The following HERC3 variants were observed in gnomAD, a reference collection of about 807,000 sequenced individuals.
HERC3 encodes HECT and RLD domain containing E3 ubiquitin protein ligase 3.
Under a neutral mutation model 129.9 loss-of-function variants are expected in HERC3, and 58 were observed. That is an observed-to-expected ratio of 0.45 (90% CI 0.36 to 0.56). The LOEUF is 0.56. Ranked by LOEUF, HERC3 falls within the 20% of genes least tolerant of loss-of-function variation. HERC3 has a pLI of 0.00. For missense variants in HERC3, 835 were observed against 1,244.2 expected (o/e 0.67, Z 4.95); for synonymous variants, 430 against 451.0 (o/e 0.95, Z 0.59).
chr4:88,554,081 C>T, the HERC3 span, among the ~76,000 whole-genome samples: 1 of 152,244 alleles, frequency 6.6e-6, no homozygotes, highest in Admixed American at 6.5e-5. Flanking sequence ...GGCGTGGTGG[C>T]TCACACCTGT....
the HERC3 span, among the ~76,000 whole-genome samples, chr4:88,541,577 C>G: frequency 0.19 from 28,746 of 152,128 alleles, 3,160 homozygotes; most frequent in East Asian, 0.49. Context: ...GAACTCAGCT[C>G]TGCAACAAGC....
chr4:88,650,884 C>G (rs1437556177), intron 4 of HERC3, among the ~76,000 whole-genome samples: 1 of 152,164 alleles, frequency 6.6e-6, no homozygotes, highest in Non-Finnish European at 1.5e-5. Flanking sequence ...TAATTATCGT[C>G]CCCTTTAAAG....
intron 3 of HERC3, among the ~76,000 whole-genome samples, chr4:88,618,140 T>A (rs1725125418): frequency 6.6e-6 from 1 of 152,234 alleles, no homozygotes; most frequent in Non-Finnish European, 1.5e-5. Flanking sequence ...GGAAGAAGGC[T>A]GAACTAATTA....
the HERC3 span, among the ~76,000 whole-genome samples, chr4:88,534,843 T>G: frequency 2.6e-5 from 4 of 152,212 alleles, no homozygotes; most frequent in African/African-American, 9.7e-5. Context: ...TGTGTGTGTT[T>G]TCAATGACTG....
intron 21 of HERC3, among the ~76,000 whole-genome samples, chr4:88,682,740 G>C (rs1732939595): frequency 6.6e-6 from 1 of 152,080 alleles, no homozygotes; most frequent in Non-Finnish European, 1.5e-5. Context: ...CATTTGGGTT[G>C]ATTCCAAGTC....
the HERC3 span, among the ~76,000 whole-genome samples, chr4:88,575,643 C>A: frequency 6.6e-6 from 1 of 152,218 alleles, no homozygotes; most frequent in African/African-American, 2.4e-5. Flanking sequence ...TCAGTAAAAA[C>A]ATCATTTGCT....
At chr4:88,555,615 G>T in the HERC3 span, among the ~76,000 whole-genome samples, 8 of 152,276 alleles carry the variant, frequency 5.3e-5, no homozygotes, top group South Asian at 1.2e-3. Context: ...GGTATTTTGT[G>T]TATTTATTGA....
chr4:88,589,277 C>A (rs1396138984), upstream of HERC3, among the ~76,000 whole-genome samples: 2 of 152,068 alleles, frequency 1.3e-5, no homozygotes, highest in South Asian at 4.1e-4. Context: ...GAGACAGGGA[C>A]TCACTATGTT....
At chr4:88,645,220 T>G (rs1235489183) in intron 3 of HERC3, among the ~76,000 whole-genome samples, 1 of 151,764 alleles carries the variant, frequency 6.6e-6, no homozygotes, top group Non-Finnish European at 1.5e-5. Flanking sequence ...AGGGTAAGAG[T>G]TCGGTGGGAA....
the HERC3 span, among the ~76,000 whole-genome samples, chr4:88,580,699 C>A: frequency 1.3e-5 from 2 of 152,274 alleles, no homozygotes; most frequent in East Asian, 3.9e-4. Context: ...CCACATAGTA[C>A]AATGATGCTT....
At chr4:88,629,457 C>CTTTTTCAACCT (rs999700559) in intron 3 of HERC3, among the ~76,000 whole-genome samples, 2 of 152,096 alleles carry the variant, frequency 1.3e-5, no homozygotes, top group African/African-American at 4.8e-5. Context: ...CTGTATCAAC[C>CTTTTTCAACCT]TTTTTAATGA....
At chr4:88,618,514 C>G (rs1323046610) in intron 3 of HERC3, among the ~76,000 whole-genome samples, 2 of 152,208 alleles carry the variant, frequency 1.3e-5, no homozygotes, top group African/African-American at 4.8e-5. Context: ...TAGAGTGGAA[C>G]TCATCTTTGG....
the HERC3 span, chr4:88,527,255 CTTT>C: frequency 4.2e-5 from 6 of 142,864 alleles, no homozygotes; most frequent in Admixed American, 1.4e-4. Context: ...CTCTTTCTTT[CTTT>C]TTTTTTTTTT....
At chr4:88,571,963 C>T in the HERC3 span, among the ~76,000 whole-genome samples, 1 of 152,032 alleles carries the variant, frequency 6.6e-6, no homozygotes, top group Non-Finnish European at 1.5e-5. Context: ...GGGGGTCTTC[C>T]AAGAGGTAAT....
At chr4:88,608,939 A>G (rs1015335092) in intron 3 of HERC3, among the ~76,000 whole-genome samples, 1 of 152,152 alleles carries the variant, frequency 6.6e-6, no homozygotes, top group South Asian at 2.1e-4. Flanking sequence ...CAGCAAGGTT[A>G]TGGTGAAGTT....
intron 2 of HERC3, 110 bp from the exon 3 acceptor site, chr4:88,605,685 G>T: frequency 1.7e-6 from 1 of 603,324 alleles, no homozygotes; most frequent in Non-Finnish European, 2.9e-6. Flanking sequence ...TAAGATATCT[G>T]AAGAATATTA....
chr4:88,678,348 G>A (rs1732392333), intron 19 of HERC3, among the ~76,000 whole-genome samples: 1 of 152,202 alleles, frequency 6.6e-6, no homozygotes. Flanking sequence ...AAAGATTAGA[G>A]TGCTTTCTTT....
intron 2 of HERC3, among the ~76,000 whole-genome samples, chr4:88,602,058 A>G (rs78141938): frequency 1.1e-5 from 1 of 89,074 alleles, no homozygotes; most frequent in South Asian, 4.6e-4. Context: ...TCCGTCTCAA[A>G]AAAAAAAAAA....
chr4:88,610,752 A>T (rs532189537), intron 3 of HERC3, among the ~76,000 whole-genome samples: 1 of 152,208 alleles, frequency 6.6e-6, no homozygotes, highest in African/African-American at 2.4e-5. Flanking sequence ...GGAAGCAAAA[A>T]CCTCGCAGAA....
Sources: gnomAD v4.1 joint callset for allele counts (sites outside exome capture counted in the v4.1 genomes callset) on GRCh38, gnomAD v4.1.1 for gene constraint, MANE v1.5 for transcripts, NCBI Gene and HGNC (gene_info 2026-07-23, HGNC 2026-07-21) for gene names.